The following CFAP95 variants were observed in gnomAD, a reference collection of about 807,000 sequenced individuals.
CFAP95 encodes cilia- and flagella-associated protein 95.
the CFAP95 span, among the ~76,000 whole-genome samples, chr9:69,880,257 T>A: frequency 3.3e-5 from 5 of 152,150 alleles, no homozygotes; most frequent in Admixed American, 6.6e-5. Context: ...TTATTTTTTG[T>A]ACCCATTCAC....
At chr9:69,856,775 A>T in the CFAP95 span, 1 of 651,478 alleles carries the variant, frequency 1.5e-6, no homozygotes, top group South Asian at 2.5e-5. Context: ...CACTAAAGGA[A>T]CATATCAAGC....
At chr9:69,846,678 C>T in the CFAP95 span, among the ~76,000 whole-genome samples, 63 of 152,270 alleles carry the variant, frequency 4.1e-4, no homozygotes, top group African/African-American at 1.5e-3. Context: ...GGGATACTGG[C>T]GCCAAGCCCC....
the CFAP95 span, among the ~76,000 whole-genome samples, chr9:69,826,182 C>A: frequency 4.6e-5 from 7 of 152,104 alleles, no homozygotes; most frequent in Non-Finnish European, 1.0e-4. Context: ...CTTCAGACTT[C>A]CCCCCACCCT....
chr9:69,881,857 T>A, the CFAP95 span, among the ~76,000 whole-genome samples: 1 of 152,278 alleles, frequency 6.6e-6, no homozygotes, highest in Non-Finnish European at 1.5e-5. Context: ...TGTTTTATAG[T>A]TTTCATTGTA....
chr9:69,875,693 T>A, the CFAP95 span, among the ~76,000 whole-genome samples: 1 of 152,202 alleles, frequency 6.6e-6, no homozygotes, highest in South Asian at 2.1e-4. Context: ...AGTTCACTGT[T>A]GTCTATTAAC....
the CFAP95 span, among the ~76,000 whole-genome samples, chr9:69,823,722 C>T: frequency 6.6e-6 from 1 of 152,080 alleles, no homozygotes; most frequent in African/African-American, 2.4e-5. Flanking sequence ...AAAAGAGAGT[C>T]AGTGAAGGGA....
the CFAP95 span, among the ~76,000 whole-genome samples, chr9:69,883,815 AT>A: frequency 3.4e-4 from 21 of 61,790 alleles, no homozygotes; most frequent in East Asian, 1.5e-3. Context: ...AATTTTGTTT[AT>A]TTTTTTAAAA....
the CFAP95 span, chr9:69,820,839 G>C: frequency 6.2e-7 from 1 of 1,600,588 alleles, no homozygotes; most frequent in Non-Finnish European, 8.5e-7. Context: ...CAGGACAGGT[G>C]CATAGGGAAC....
chr9:69,865,486 C>G, the CFAP95 span, among the ~76,000 whole-genome samples: 4 of 152,270 alleles, frequency 2.6e-5, no homozygotes, highest in South Asian at 6.2e-4. Context: ...ACAACATCCT[C>G]TCACCTATTC....
At chr9:69,899,761 A>T in the CFAP95 span, among the ~76,000 whole-genome samples, 1 of 152,206 alleles carries the variant, frequency 6.6e-6, no homozygotes, top group Non-Finnish European at 1.5e-5. Flanking sequence ...TACATGACCC[A>T]GCTCCCAGTA....
the CFAP95 span, among the ~76,000 whole-genome samples, chr9:69,843,609 CTTCTTCTTCTTCTTCTTCT>C: frequency 1.3e-5 from 1 of 74,618 alleles, no homozygotes; most frequent in Admixed American, 1.6e-4. Flanking sequence ...TCTTCTTCTT[CTTCTTCTTCTTCTTCTTCT>C]TCCTCCTCCT....
the CFAP95 span, among the ~76,000 whole-genome samples, chr9:69,874,368 T>A: frequency 6.6e-6 from 1 of 152,206 alleles, no homozygotes; most frequent in African/African-American, 2.4e-5. Context: ...TGTTGTTCAC[T>A]CTTTGGAATC....
At chr9:69,830,266 T>G in the CFAP95 span, among the ~76,000 whole-genome samples, 4 of 152,198 alleles carry the variant, frequency 2.6e-5, no homozygotes, top group Non-Finnish European at 5.9e-5. Flanking sequence ...AGTACCTGTT[T>G]GGAGTCATCT....
At chr9:69,850,685 T>G in the CFAP95 span, among the ~76,000 whole-genome samples, 7 of 152,204 alleles carry the variant, frequency 4.6e-5, no homozygotes, top group African/African-American at 1.7e-4. Flanking sequence ...GGATCAAATG[T>G]TTATAAATGG....
chr9:69,879,876 GT>G, the CFAP95 span, among the ~76,000 whole-genome samples: 129,557 of 151,316 alleles, frequency 0.86, 55,621 homozygotes, highest in Middle Eastern at 0.93. Flanking sequence ...GTAACTTTTT[GT>G]TTTTTTTTTA....
At chr9:69,892,606 A>G in the CFAP95 span, among the ~76,000 whole-genome samples, 1 of 152,214 alleles carries the variant, frequency 6.6e-6, no homozygotes, top group Non-Finnish European at 1.5e-5. Context: ...GCCTGGACCT[A>G]TGGCCCAAAA....
At chr9:69,853,659 A>AT in the CFAP95 span, among the ~76,000 whole-genome samples, 1 of 152,144 alleles carries the variant, frequency 6.6e-6, no homozygotes, top group Non-Finnish European at 1.5e-5. Context: ...CACCAAAGTG[A>AT]TTTTTTCACA....
the CFAP95 span, among the ~76,000 whole-genome samples, chr9:69,846,635 C>T: frequency 1.3e-5 from 2 of 152,188 alleles, no homozygotes; most frequent in Admixed American, 1.3e-4. Flanking sequence ...TCTTAAATGA[C>T]TCACCCAAGG....
At chr9:69,855,319 T>G in the CFAP95 span, among the ~76,000 whole-genome samples, 2 of 152,238 alleles carry the variant, frequency 1.3e-5, no homozygotes. Flanking sequence ...TTAAAAATCA[T>G]CAGAGCATAT....
Sources: gnomAD v4.1 joint callset for allele counts (sites outside exome capture counted in the v4.1 genomes callset) on GRCh38, gnomAD v4.1.1 for gene constraint, MANE v1.5 for transcripts, NCBI Gene and HGNC (gene_info 2026-07-23, HGNC 2026-07-21) for gene names.